The following FSIP1 variants were observed in gnomAD, a reference collection of about 807,000 sequenced individuals.
FSIP1 encodes the protein fibrous sheath-interacting protein 1.
In FSIP1, 65 loss-of-function variants were observed where a neutral mutation model predicts 60.9. That is an observed-to-expected ratio of 1.07 (90% CI 0.87 to 1.31). FSIP1 has a LOEUF of 1.31. Ranked by LOEUF, FSIP1 falls within the 40% of genes most tolerant of loss-of-function variation. The pLI is 0.00. For missense variants in FSIP1, 675 were observed against 665.5 expected, an observed-to-expected ratio of 1.01 and a Z score of -0.16; for synonymous variants, 209 against 221.2, an observed-to-expected ratio of 0.94 and a Z score of 0.49.
chr15:39,722,169 C>G (rs943335313), intron 9 of FSIP1, among the ~76,000 whole-genome samples: 4 of 152,096 alleles, frequency 2.6e-5, no homozygotes, highest in African/African-American at 9.7e-5. Context: ...CTATCATGAA[C>G]TGCACATGCA....
At chr15:39,740,754 A>T (rs1294088752) in intron 6 of FSIP1, among the ~76,000 whole-genome samples, 1 of 152,224 alleles carries the variant, frequency 6.6e-6, no homozygotes, top group Non-Finnish European at 1.5e-5. Flanking sequence ...CAATACAGAT[A>T]TAACCATTTA....
intron 10 of FSIP1, among the ~76,000 whole-genome samples, chr15:39,650,841 T>C (rs1432059017): frequency 6.6e-6 from 1 of 152,256 alleles, no homozygotes. Flanking sequence ...CTTACTAATA[T>C]AATAATAGCT....
Position 39,615,243 on chromosome 15 carries a change from G to A in FSIP1, c.1699+2492C>T, listed in dbSNP as rs186613089. Among the ~76,000 whole-genome samples, 415 of 151,710 alleles carry A rather than the reference G, an allele frequency of 2.7e-3. 2 individuals are homozygous for A. The highest frequency in any genetic ancestry group is 9.4e-3 in the African/African-American group (388 of 41,396). The stretch of plus-strand genomic sequence containing the variant: ...TTTTTAATACGACCTTGAAGGCACA[G>A]GCAAAAATAGACAAATGTGATTATA... On this transcript the variant is annotated intron_variant, in intron 11 of 11. Coordinates refer to ENST00000350221, the MANE Select transcript of FSIP1 (RefSeq NM_152597.5).
intron 5 of FSIP1, among the ~76,000 whole-genome samples, chr15:39,758,132 C>T (rs1248889426): frequency 1.3e-5 from 2 of 152,028 alleles, no homozygotes; most frequent in Admixed American, 6.6e-5. Context: ...CACATAACTC[C>T]AGAAATACAA....
intron 2 of FSIP1, among the ~76,000 whole-genome samples, chr15:39,771,278 A>G (rs1464656158): frequency 1.3e-5 from 2 of 152,180 alleles, no homozygotes; most frequent in Admixed American, 6.5e-5. Flanking sequence ...ACACAGCCCA[A>G]GGGAGACAGG....
chr15:39,706,414 A>G (rs1895272704), intron 10 of FSIP1, among the ~76,000 whole-genome samples: 1 of 152,198 alleles, frequency 6.6e-6, no homozygotes, highest in Non-Finnish European at 1.5e-5. Flanking sequence ...GGGTGTATAT[A>G]GTTCCTACAG....
chr15:39,763,501 T>C (rs1416147677), intron 5 of FSIP1, among the ~76,000 whole-genome samples: 1 of 152,118 alleles, frequency 6.6e-6, no homozygotes, highest in African/African-American at 2.4e-5. Context: ...AGTTAGGGAA[T>C]TGTATGCAGA....
intron 10 of FSIP1, among the ~76,000 whole-genome samples, chr15:39,628,440 G>T (rs368731404): frequency 1.6e-3 from 243 of 152,330 alleles, no homozygotes; most frequent in African/African-American, 5.7e-3. Flanking sequence ...CAGAGTGTAA[G>T]ACCAGGCCAG....
intron 10 of FSIP1, among the ~76,000 whole-genome samples, chr15:39,656,220 G>C (rs563883919): frequency 7.2e-5 from 11 of 152,166 alleles, no homozygotes; most frequent in Non-Finnish European, 1.3e-4. Context: ...AAGAAAAAAG[G>C]CTTCAATAGC....
intron 10 of FSIP1, among the ~76,000 whole-genome samples, chr15:39,634,000 G>A (rs547344191): frequency 1.3e-5 from 2 of 152,206 alleles, no homozygotes; most frequent in Non-Finnish European, 2.9e-5. Flanking sequence ...CCATCTACCA[G>A]CACCTGTACC....
intron 10 of FSIP1, among the ~76,000 whole-genome samples, chr15:39,618,848 A>G (rs1891338789): frequency 6.6e-6 from 1 of 152,226 alleles, no homozygotes; most frequent in Non-Finnish European, 1.5e-5. Flanking sequence ...ATGAAAGTAG[A>G]GAGCCATGTC....
intron 5 of FSIP1, among the ~76,000 whole-genome samples, chr15:39,744,727 A>AGTCTGTCT (rs35653532): frequency 1.9e-4 from 28 of 144,374 alleles, no homozygotes; most frequent in African/African-American, 2.4e-4. Flanking sequence ...AGGCTGAAGT[A>AGTCTGTCT]GTCTGTCTGT....
intron 11 of FSIP1, among the ~76,000 whole-genome samples, chr15:39,607,653 T>G (rs1459929298): frequency 6.6e-6 from 1 of 152,258 alleles, no homozygotes; most frequent in Non-Finnish European, 1.5e-5. Context: ...CCATTTAAAT[T>G]GGTCTTCAAG....
chr15:39,722,760 A>C (rs932770650), intron 9 of FSIP1, among the ~76,000 whole-genome samples: 3 of 151,792 alleles, frequency 2.0e-5, no homozygotes, highest in Non-Finnish European at 4.4e-5. Flanking sequence ...GTGAGACCAC[A>C]CCTCTAAAAA....
chr15:39,755,179 G>T (rs1897264526), intron 5 of FSIP1, among the ~76,000 whole-genome samples: 1 of 152,090 alleles, frequency 6.6e-6, no homozygotes, highest in Non-Finnish European at 1.5e-5. Flanking sequence ...GTAAGTTAAA[G>T]GGAAAGAGCC....
At position 39,770,553 on chromosome 15, in the gene FSIP1, T is replaced by G. The variant is rs1169991865; in HGVS notation, c.184A>C (p.Thr62Pro). 6.2e-7 allele frequency: 1 copy of G among 1,605,356 alleles called. No homozygotes were observed. Among genetic ancestry groups the G allele is most frequent in the African/African-American group, 1.3e-5 (1 of 74,552 alleles). Residue 62 changes from threonine (T) to proline (P), a missense_variant, in exon 3 of 12, where the codon ACA becomes CCA. Coordinates refer to ENST00000350221, the MANE Select transcript of FSIP1 (RefSeq NM_152597.5). Reference protein sequence around the residue: ...GKEDHSESSNTENRRTSNDDK... With the variant: ...GKEDHSESSNPENRRTSNDDK... ...TCATTACTAGTTCTTCTGTTCTCTG[T>G]ATTACTGCTTTCGGAGTGGTCCTCT...
intron 10 of FSIP1, among the ~76,000 whole-genome samples, chr15:39,699,753 C>G (rs1257081329): frequency 6.6e-6 from 1 of 152,224 alleles, no homozygotes; most frequent in African/African-American, 2.4e-5. Context: ...TGTCACCCAT[C>G]TGATCCAATA....
At chr15:39,622,902 G>C (rs1891494559) in intron 10 of FSIP1, among the ~76,000 whole-genome samples, 1 of 152,108 alleles carries the variant, frequency 6.6e-6, no homozygotes, top group African/African-American at 2.4e-5. Flanking sequence ...CCGCAGAACA[G>C]TTTACTTAAC....
Position 39,726,737 on chromosome 15 carries a change from G to C in FSIP1, c.902C>G (p.Ser301Cys), listed in dbSNP as rs776688138. The change falls in exon 9 of 12, where the codon TCT becomes TGT. Residue 301 changes from serine to cysteine, a missense_variant. Physicochemically the swap from Ser to Cys is moderately radical, Grantham distance 112 (BLOSUM62 -1). Coordinates refer to ENST00000350221, the MANE Select transcript of FSIP1 (RefSeq NM_152597.5). ...SGLSSSEGDQ[S>C]GWVVPVKGYE... ...TCCTTTTACTGGGACCACCCAGCCA[G>C]ACTGATCACCCTAAGAGGAAACAAG... is the stretch of plus-strand genomic sequence containing the variant. 1.2e-6 allele frequency: 2 copies of C among 1,613,986 alleles called. No individual in the cohort carries two copies. Among genetic ancestry groups the C allele is most frequent in the Non-Finnish European group, 1.7e-6 (2 of 1,179,960 alleles).
Sources: allele counts gnomAD v4.1 joint callset (sites outside exome capture counted in the v4.1 genomes callset), GRCh38; gene constraint gnomAD v4.1.1; transcripts MANE v1.5; gene names NCBI Gene and HGNC (gene_info 2026-07-23, HGNC 2026-07-21).